The following TBC1D5 variants were observed in gnomAD, a reference collection of about 807,000 sequenced individuals.
TBC1D5 encodes the protein TBC1 domain family member 5.
Under a neutral mutation model 100.3 loss-of-function variants are expected in TBC1D5, and 75 were observed. That is an observed-to-expected ratio of 0.75 (90% CI 0.62 to 0.91). The LOEUF is 0.91. Among genes scored for constraint, TBC1D5 ranks in the 40% least tolerant of loss-of-function variants. The pLI is 0.00. For synonymous variants in TBC1D5, 323 were observed against 325.6 expected (o/e 0.99, Z 0.09); for missense variants, 910 against 942.4 (o/e 0.97, Z 0.45).
intron 15 of TBC1D5, among the ~76,000 whole-genome samples, chr3:17,275,841 T>C (rs1277688375): frequency 5.3e-5 from 8 of 152,076 alleles, no homozygotes; most frequent in Non-Finnish European, 1.2e-4. Context: ...GTGAAGTAGG[T>C]ATCTTAAGAG....
At chr3:17,301,933 C>A (rs1210800332) in intron 14 of TBC1D5, among the ~76,000 whole-genome samples, 1 of 152,178 alleles carries the variant, frequency 6.6e-6, no homozygotes, top group African/African-American at 2.4e-5. Context: ...CACATTATTT[C>A]TTTATTGCTC....
At chr3:17,562,579 T>C (rs1250008296) in intron 2 of TBC1D5, among the ~76,000 whole-genome samples, 1 of 150,276 alleles carries the variant, frequency 6.7e-6, no homozygotes, top group Non-Finnish European at 1.5e-5. Flanking sequence ...TAATATTTAC[T>C]GTGAGTGATA....
intron 13 of TBC1D5, among the ~76,000 whole-genome samples, chr3:17,343,898 T>C (rs13059100): frequency 2.0e-5 from 3 of 152,166 alleles, no homozygotes; most frequent in African/African-American, 7.2e-5. Context: ...ATCAATTTTG[T>C]TGATCCTTTC....
chr3:17,407,220 A>G (rs1463387308), intron 4 of TBC1D5, among the ~76,000 whole-genome samples: 1 of 152,144 alleles, frequency 6.6e-6, no homozygotes, highest in Non-Finnish European at 1.5e-5. Context: ...GGGGCCTAAC[A>G]CCTGTGCCTC....
chr3:17,161,534 A>C (rs2066054194), intron 21 of TBC1D5, among the ~76,000 whole-genome samples: 1 of 152,258 alleles, frequency 6.6e-6, no homozygotes, highest in South Asian at 2.1e-4. Flanking sequence ...AGACAGAGGC[A>C]GTGTCTGTGC....
chr3:17,360,791 T>C (rs1245354151), intron 13 of TBC1D5, among the ~76,000 whole-genome samples: 1 of 152,022 alleles, frequency 6.6e-6, no homozygotes, highest in Non-Finnish European at 1.5e-5. Flanking sequence ...TAAAAACTCA[T>C]TGTAAATACT....
intron 4 of TBC1D5, among the ~76,000 whole-genome samples, chr3:17,413,538 TTAAA>T (rs1260147980): frequency 7.4e-6 from 1 of 134,768 alleles, no homozygotes; most frequent in Non-Finnish European, 1.5e-5. Flanking sequence ...TAACATATAA[TTAAA>T]TAGTAGTTTC....
intron 17 of TBC1D5, among the ~76,000 whole-genome samples, chr3:17,229,063 T>C (rs74576961): frequency 6.6e-6 from 1 of 152,246 alleles, no homozygotes; most frequent in East Asian, 1.9e-4. Flanking sequence ...AGAACCCCAG[T>C]ACACCTGAGG....
At chr3:17,672,698 G>A (rs1392576610) in intron 1 of TBC1D5, 1 of 152,160 alleles carries the variant, frequency 6.6e-6, no homozygotes, top group East Asian at 1.9e-4. Context: ...TGGAAACAGT[G>A]GATCGGCCTG....
intron 1 of TBC1D5, among the ~76,000 whole-genome samples, chr3:17,735,952 G>A (rs778581647): frequency 6.6e-6 from 1 of 152,184 alleles, no homozygotes; most frequent in Non-Finnish European, 1.5e-5. Context: ...GGGGGTTGCC[G>A]CTCCCTGCTC....
chr3:17,453,079 T>TAAAAAAAAA (rs570210975), intron 3 of TBC1D5, among the ~76,000 whole-genome samples: 25 of 81,844 alleles, frequency 3.1e-4, no homozygotes, highest in Non-Finnish European at 5.1e-4. Flanking sequence ...AATGAAGAAA[T>TAAAAAAAAA]AAAAAAAAAA....
chr3:17,441,056 C>G lies in TBC1D5; in HGVS notation c.98-12537G>C, dbSNP rs376649817. On this transcript the variant is annotated intron_variant, in intron 3 of 21. Coordinates refer to ENST00000253692, the Ensembl canonical transcript of TBC1D5. ...ACTGGATAAGAAGCTGTGTGGTACC[C>G]TAAGGCAAAAATAAATGATAGAATA... Among the ~76,000 whole-genome samples the G allele has an allele frequency of 6.6e-5, 10 of 152,124 alleles. No individual in the cohort carries two copies. The East Asian group carries it at 9.7e-4, about 15-fold the overall frequency.
intron 15 of TBC1D5, among the ~76,000 whole-genome samples, chr3:17,258,859 T>C (rs923211668): frequency 3.9e-5 from 6 of 152,164 alleles, no homozygotes; most frequent in African/African-American, 1.4e-4. Flanking sequence ...CAAATATAAC[T>C]TTCCTAAAAT....
chr3:17,420,445 A>G (rs566093460), intron 4 of TBC1D5, among the ~76,000 whole-genome samples: 1 of 152,268 alleles, frequency 6.6e-6, no homozygotes, highest in African/African-American at 2.4e-5. Context: ...ACAATCAGAA[A>G]TTAAGTATTA....
chr3:17,485,741 T>C (rs887029164), intron 3 of TBC1D5, among the ~76,000 whole-genome samples: 13 of 151,998 alleles, frequency 8.6e-5, no homozygotes, highest in Non-Finnish European at 1.0e-4. Context: ...CAGTCTATCA[T>C]TGTTGGACAT....
At chr3:17,304,386 A>G (rs2083182073) in intron 14 of TBC1D5, among the ~76,000 whole-genome samples, 1 of 152,146 alleles carries the variant, frequency 6.6e-6, no homozygotes, top group East Asian at 1.9e-4. Flanking sequence ...TTCAAAACAA[A>G]GAAGATATTT....
At chr3:17,462,102 T>C (rs1050455057) in intron 3 of TBC1D5, among the ~76,000 whole-genome samples, 1 of 152,094 alleles carries the variant, frequency 6.6e-6, no homozygotes, top group East Asian at 1.9e-4. Context: ...TTTCCTAGAT[T>C]TAAATCTTTT....
At chr3:17,428,384 TATA>T (rs1465756762) in intron 4 of TBC1D5, 63 bp downstream of exon 4, 18 of 510,078 alleles carry the variant, frequency 3.5e-5, no homozygotes, top group African/African-American at 1.7e-4. Context: ...TACATTATCT[TATA>T]ATATTATATG....
chr3:17,207,685 G>C (rs1398821266), intron 18 of TBC1D5, among the ~76,000 whole-genome samples: 1 of 152,148 alleles, frequency 6.6e-6, no homozygotes, highest in Non-Finnish European at 1.5e-5. Flanking sequence ...TACATAAAAA[G>C]GCAATATTAA....
Sources: allele counts gnomAD v4.1 joint callset (sites outside exome capture counted in the v4.1 genomes callset), GRCh38; gene constraint gnomAD v4.1.1; transcripts MANE v1.5; gene names NCBI Gene and HGNC (gene_info 2026-07-23, HGNC 2026-07-21).